The following SLC44A2 variants were observed in gnomAD, a reference collection of about 807,000 sequenced individuals.
SLC44A2 encodes choline transporter-like protein 2.
SLC44A2 carries 57 observed loss-of-function variants against 90.8 expected under a neutral mutation model. The ratio of observed to expected loss-of-function variants is 0.63; its 90% CI spans 0.51 to 0.78. The LOEUF is 0.78. SLC44A2 is among the 30% of genes least tolerant of loss of function. SLC44A2 has a pLI of 0.00. For synonymous variants in SLC44A2, 355 were observed against 360.7 expected (o/e 0.98, Z 0.18); for missense variants, 794 against 919.7 (o/e 0.86, Z 1.77).
upstream of SLC44A2, among the ~76,000 whole-genome samples, chr19:10,624,468 A>C (rs541477594): frequency 2.0e-5 from 3 of 151,864 alleles, 1 homozygote; most frequent in African/African-American, 7.3e-5. Context: ...CACACTGGCT[A>C]ATGTTTGTAT....
intron 21 of SLC44A2, 176 bp from the exon 22 acceptor site, chr19:10,643,103 T>A: frequency 1.4e-6 from 2 of 1,451,184 alleles, no homozygotes; most frequent in South Asian, 2.9e-5. Context: ...GGCCTGCGAG[T>A]GTGGGGATCC....
intron 1 of SLC44A2, among the ~76,000 whole-genome samples, chr19:10,619,783 C>A (rs1183421092): frequency 6.6e-6 from 1 of 151,994 alleles, no homozygotes. Flanking sequence ...GTGAAACCCC[C>A]ATCTCTACTA....
chr19:10,643,327 T>A lies in SLC44A2; in HGVS notation c.2063T>A (p.Met688Lys). The A allele has an allele frequency of 6.2e-7, 1 of 1,612,626 alleles. No individual in the cohort carries two copies. Among genetic ancestry groups the A allele is most frequent in the South Asian group, 1.1e-5 (1 of 90,782 alleles). The stretch of plus-strand genomic sequence containing the variant: ...GGCTCGGCCGAGAGGCCTTACTTCA[T>A]GTCTTCCACCCTCAAGAAACTCTTG... ...NDGSAERPYF[M>K]SSTLKKLLNK... The change falls in exon 22 of 22, where the codon ATG becomes AAG. Residue 688 changes from methionine to lysine, a missense_variant. Met to Lys is a moderately conservative substitution (Grantham distance 95, BLOSUM62 -1). Transcript: ENST00000335757.
chr19:10,631,700 G>T lies in SLC44A2; in HGVS notation c.577G>T (p.Asp193Tyr). The T allele has an allele frequency of 1.2e-6, 2 of 1,613,098 alleles. No homozygotes were observed. Among genetic ancestry groups the T allele is most frequent in the Non-Finnish European group, 1.7e-6 (2 of 1,180,040 alleles). Reference protein sequence around the residue: ...LMVGNETTYEDGHGSRKNITD... With the variant: ...LMVGNETTYEYGHGSRKNITD... Reference sequence around the variant, plus strand: ...GGTGGGCAATGAGACGACCTATGAGGATGGGCATGGCTCCCGGAAAAACAT... The same window carrying T: ...GGTGGGCAATGAGACGACCTATGAGTATGGGCATGGCTCCCGGAAAAACAT... Residue 193 changes from aspartate to tyrosine, a missense_variant, in exon 8 of 22, where the codon GAT becomes TAT. Around this residue, in one of 3 missense-constraint regions of SLC44A2, gnomAD observed 738 missense variants for 841.1 expected, o/e 0.88. Transcript: ENST00000335757.
chr19:10,637,881 G>A lies in SLC44A2; in HGVS notation c.1721G>A (p.Cys574Tyr), dbSNP rs1286112294. 1.2e-6 allele frequency: 2 copies of A among 1,614,018 alleles called. No homozygotes were observed. The highest frequency in any genetic ancestry group is 1.7e-5 in the Admixed American group (1 of 60,000). ...ATTGCCATCTACGGCACCAATTTCT[G>A]CACCTCGGCCAGGAATGCCTTCTTC... is the stretch of plus-strand genomic sequence containing the variant. ...IMIAIYGTNF[C>Y]TSARNAFFLL... Residue 574 changes from cysteine to tyrosine, a missense_variant, in exon 18 of 22, where the codon TGC (cysteine) becomes TAC (tyrosine). Physicochemically the swap from Cys to Tyr is radical, Grantham distance 194 (BLOSUM62 -2). This residue lies in a region of SLC44A2 where 738 missense variants were observed against 841.1 expected (regional missense o/e 0.88). Coordinates refer to ENST00000335757, the MANE Select transcript of SLC44A2 (RefSeq NM_020428.4).
intron 1 of SLC44A2, among the ~76,000 whole-genome samples, chr19:10,616,723 G>A (rs1188584777): frequency 1.3e-5 from 2 of 151,690 alleles, no homozygotes; most frequent in East Asian, 3.9e-4. Flanking sequence ...AAACTAGCTG[G>A]GCATGGTGGT....
chr19:10,616,246 A>G (rs934555962), intron 1 of SLC44A2, among the ~76,000 whole-genome samples: 2 of 151,990 alleles, frequency 1.3e-5, no homozygotes, highest in African/African-American at 4.8e-5. Context: ...ATACACAGTG[A>G]GAAAGACAGG....
chr19:10,619,027 C>G (rs2066878277), intron 1 of SLC44A2, among the ~76,000 whole-genome samples: 1 of 144,640 alleles, frequency 6.9e-6, no homozygotes. Flanking sequence ...GGCAGTGGCG[C>G]AATCACAGCT....
chr19:10,607,060 C>T (rs1270398571), intron 1 of SLC44A2, among the ~76,000 whole-genome samples: 2 of 151,018 alleles, frequency 1.3e-5, no homozygotes, highest in Admixed American at 6.6e-5. Flanking sequence ...TACAGGCGCC[C>T]GCCACCACGC....
intron 1 of SLC44A2, among the ~76,000 whole-genome samples, chr19:10,603,382 G>C (rs7253253): frequency 6.6e-6 from 1 of 152,106 alleles, no homozygotes; most frequent in Non-Finnish European, 1.5e-5. Flanking sequence ...AAGACCCAAC[G>C]GAGCCCCAGC....
At chr19:10,620,465 A>G (rs2066887838) in intron 1 of SLC44A2, among the ~76,000 whole-genome samples, 1 of 152,212 alleles carries the variant, frequency 6.6e-6, no homozygotes, top group Admixed American at 6.5e-5. Flanking sequence ...CAAAAAACAA[A>G]CAAACAAACA....
chr19:10,625,205 T>A (rs181313898), upstream of SLC44A2: 1 of 178,864 alleles, frequency 5.6e-6, no homozygotes, highest in Non-Finnish European at 1.2e-5. Context: ...AGCACCAACA[T>A]TCCACAGTTG....
At chr19:10,642,054 G>A (rs1445693024) in intron 20 of SLC44A2, among the ~76,000 whole-genome samples, 4 of 151,928 alleles carry the variant, frequency 2.6e-5, no homozygotes, top group Non-Finnish European at 5.9e-5. Context: ...CAGCTCCTCC[G>A]GAGGCTGAGG....
intron 1 of SLC44A2, among the ~76,000 whole-genome samples, chr19:10,609,728 G>C (rs917780817): frequency 6.6e-6 from 1 of 151,976 alleles, no homozygotes; most frequent in Non-Finnish European, 1.5e-5. Context: ...GCCTCTCAAG[G>C]TACTGAGATT....
chr19:10,625,776 A>G (rs932275694), intron 1 of SLC44A2, 106 bp downstream of exon 1: 4 of 1,008,014 alleles, frequency 4.0e-6, no homozygotes, highest in Non-Finnish European at 5.1e-6. Flanking sequence ...GGGGAGCGCA[A>G]TTGCAAATCT....
chr19:10,625,436 GCCCGCGCCCT>G (rs2066921929), upstream of SLC44A2: 1 of 1,205,294 alleles, frequency 8.3e-7, no homozygotes, highest in African/African-American at 1.6e-5. Flanking sequence ...CTGCAGCCCC[GCCCGCGCCCT>G]CCCGGGTCCC....
At chr19:10,618,124 A>G (rs565122197) in intron 1 of SLC44A2, among the ~76,000 whole-genome samples, 1 of 137,372 alleles carries the variant, frequency 7.3e-6, no homozygotes, top group South Asian at 2.4e-4. Context: ...CCTGCCTCAA[A>G]CTCCCGAGTA....
At chr19:10,642,978 G>A in intron 21 of SLC44A2, 1 of 1,583,696 alleles carries the variant, frequency 6.3e-7, no homozygotes, top group South Asian at 1.1e-5. Flanking sequence ...CTGTTGAAGG[G>A]GAGTGCGGAG....
intron 21 of SLC44A2, among the ~76,000 whole-genome samples, 153 bp downstream of exon 21, chr19:10,642,604 T>C (rs936822965): frequency 1.3e-5 from 2 of 152,118 alleles, no homozygotes; most frequent in Non-Finnish European, 2.9e-5. Flanking sequence ...CCTGTCTTCC[T>C]GGTTTCCTTT....
Sources: allele counts gnomAD v4.1 joint callset (sites outside exome capture counted in the v4.1 genomes callset), GRCh38; gene constraint gnomAD v4.1.1; regional missense constraint gnomAD v4.1.1; transcripts MANE v1.5; gene names NCBI Gene and HGNC (gene_info 2026-07-23, HGNC 2026-07-21).